The following HORMAD2 variants were observed in gnomAD, a reference collection of about 807,000 sequenced individuals.
The protein encoded by HORMAD2 is HORMA domain-containing protein 2.
In HORMAD2, 45 loss-of-function variants were observed where a neutral mutation model predicts 38.8. The ratio of observed to expected loss-of-function variants is 1.16; its 90% CI spans 0.91 to 1.49. The LOEUF (loss-of-function observed/expected upper bound fraction) is 1.49, where lower values mean the gene tolerates loss of function less well. HORMAD2 is among the 40% of genes most tolerant of loss of function. The pLI is 0.00. For synonymous variants in HORMAD2, 126 were observed against 122.8 expected (o/e 1.03, Z -0.17); for missense variants, 338 against 367.0 (o/e 0.92, Z 0.65).
intron 5 of HORMAD2, among the ~76,000 whole-genome samples, chr22:30,107,937 C>T (rs1298569959): frequency 1.4e-5 from 2 of 146,310 alleles, no homozygotes; most frequent in South Asian, 2.2e-4. Context: ...GGTGTGATCT[C>T]GGCTCACTGC....
At chr22:30,151,068 T>C (rs1345049041) in intron 10 of HORMAD2, among the ~76,000 whole-genome samples, 1 of 152,214 alleles carries the variant, frequency 6.6e-6, no homozygotes, top group East Asian at 1.9e-4. Context: ...TATCTGATGC[T>C]GGAAATTATT....
downstream of HORMAD2, among the ~76,000 whole-genome samples, chr22:30,181,975 T>TATA (rs1805727932): frequency 1.3e-5 from 2 of 152,256 alleles, no homozygotes. Context: ...CTCTTCTAGC[T>TATA]ATAAAACTCA....
chr22:30,154,512 C>A (rs1601581659), intron 10 of HORMAD2, among the ~76,000 whole-genome samples: 2 of 152,256 alleles, frequency 1.3e-5, no homozygotes, highest in Middle Eastern at 6.8e-3. Context: ...TTACTGTCAT[C>A]TAACCCTCAG....
chr22:30,148,045 T>A (rs1161459076), intron 10 of HORMAD2, among the ~76,000 whole-genome samples: 1 of 152,228 alleles, frequency 6.6e-6, no homozygotes, highest in Non-Finnish European at 1.5e-5. Context: ...TACATTAATG[T>A]TCATAGCAGC....
chr22:30,170,471 C>T (rs1236861546), intron 10 of HORMAD2, among the ~76,000 whole-genome samples: 1 of 152,158 alleles, frequency 6.6e-6, no homozygotes, highest in African/African-American at 2.4e-5. Context: ...TTGGTAAATT[C>T]ACTTACACTA....
Position 30,161,908 on chromosome 22 carries a change from T to C in HORMAD2, c.820-14155T>C, listed in dbSNP as rs566821916. On this transcript the variant is annotated intron_variant, in intron 10 of 10. Coordinates refer to ENST00000336726, the MANE Select transcript of HORMAD2 (RefSeq NM_152510.4). ...ACAATAAACACACTGATATGAAACT[T>C]CATATTTTTAAGTTTAATTATATTT... is the stretch of plus-strand genomic sequence containing the variant. 1.3e-3 allele frequency among the ~76,000 whole-genome samples: 194 copies of C among 152,288 alleles called. 7 individuals are homozygous for C. The South Asian group carries it at 0.039, about 31-fold the overall frequency.
chr22:30,137,460 C>T (rs546699803), intron 10 of HORMAD2: 1 of 267,176 alleles, frequency 3.7e-6, no homozygotes, highest in African/African-American at 2.4e-5. Context: ...TGCACTGCAA[C>T]CAGGGCTACA....
intron 10 of HORMAD2, among the ~76,000 whole-genome samples, chr22:30,127,680 C>G (rs1166095601): frequency 1.3e-5 from 2 of 152,148 alleles, no homozygotes; most frequent in Non-Finnish European, 2.9e-5. Context: ...TTTGGTTTGT[C>G]TTTCTGATTC....
intron 10 of HORMAD2, among the ~76,000 whole-genome samples, chr22:30,133,816 G>A (rs748168040): frequency 2.6e-5 from 4 of 151,998 alleles, no homozygotes; most frequent in Non-Finnish European, 4.4e-5. Context: ...CATAGGATGT[G>A]CATATTATAT....
chr22:30,144,026 G>A (rs575988592), intron 10 of HORMAD2, among the ~76,000 whole-genome samples: 59 of 152,224 alleles, frequency 3.9e-4, no homozygotes, highest in Admixed American at 9.2e-4. Flanking sequence ...ACAGAACCAT[G>A]AGCCAATTAA....
At chr22:30,139,284 A>ATATATATATATATATATC (rs1555950247) in intron 10 of HORMAD2, among the ~76,000 whole-genome samples, 1 of 137,630 alleles carries the variant, frequency 7.3e-6, no homozygotes, top group African/African-American at 2.6e-5. Context: ...ATATATATAT[A>ATATATATATATATATATC]TATCCTCTGT....
chr22:30,118,494 C>G (rs1321678203), intron 7 of HORMAD2, among the ~76,000 whole-genome samples: 1 of 152,228 alleles, frequency 6.6e-6, no homozygotes, highest in Non-Finnish European at 1.5e-5. Flanking sequence ...GTTCACAGCA[C>G]TTACACTATC....
At chr22:30,098,234 A>T (rs1328831441) in intron 2 of HORMAD2, among the ~76,000 whole-genome samples, 2 of 152,208 alleles carry the variant, frequency 1.3e-5, no homozygotes, top group Non-Finnish European at 2.9e-5. Flanking sequence ...AAACTAGATG[A>T]GATTATTCAA....
the HORMAD2 span, among the ~76,000 whole-genome samples, chr22:30,187,557 T>A: frequency 2.6e-5 from 4 of 152,022 alleles, no homozygotes; most frequent in South Asian, 8.3e-4. Flanking sequence ...TTTTTTCAAT[T>A]AACTATGCTT....
At chr22:30,183,943 T>G in the HORMAD2 span, among the ~76,000 whole-genome samples, 1 of 152,216 alleles carries the variant, frequency 6.6e-6, no homozygotes, top group Non-Finnish European at 1.5e-5. Context: ...CCCATGATGT[T>G]TTCTTCTAAG....
chr22:30,163,795 C>T (rs989952974), intron 10 of HORMAD2, among the ~76,000 whole-genome samples: 10 of 151,992 alleles, frequency 6.6e-5, no homozygotes, highest in Non-Finnish European at 1.5e-4. Context: ...GTAAAATATA[C>T]ATAATATATA....
At chr22:30,135,172 T>C (rs138714727) in intron 10 of HORMAD2, among the ~76,000 whole-genome samples, 2 of 152,054 alleles carry the variant, frequency 1.3e-5, no homozygotes, top group Non-Finnish European at 2.9e-5. Flanking sequence ...AAAAACCCTA[T>C]ATTAGAATGA....
At chr22:30,096,249 A>G (rs994444420) in intron 2 of HORMAD2, among the ~76,000 whole-genome samples, 4 of 152,224 alleles carry the variant, frequency 2.6e-5, no homozygotes, top group Admixed American at 2.0e-4. Context: ...GAATACTCTA[A>G]TTCATGTCCT....
intron 10 of HORMAD2, among the ~76,000 whole-genome samples, chr22:30,135,177 GA>G (rs1279561707): frequency 6.6e-6 from 1 of 152,064 alleles, no homozygotes; most frequent in African/African-American, 2.4e-5. Context: ...CCCTATATTA[GA>G]ATGACCAAAT....
Sources: allele counts gnomAD v4.1 joint callset (sites outside exome capture counted in the v4.1 genomes callset), GRCh38; gene constraint gnomAD v4.1.1; transcripts MANE v1.5; gene names NCBI Gene and HGNC (gene_info 2026-07-23, HGNC 2026-07-21).